BRCA1: variants seen among roughly 807,000 people sequenced by gnomAD.
The protein encoded by BRCA1 is BRCA1 DNA repair associated.
Under a neutral mutation model 173.7 loss-of-function variants are expected in BRCA1, and 140 were observed. That is an observed-to-expected ratio of 0.81 (90% CI 0.70 to 0.93). BRCA1 has a LOEUF of 0.93. Ranked by LOEUF, BRCA1 falls within the 40% of genes least tolerant of loss-of-function variation. The pLI is 0.00. For missense variants in BRCA1, 1,983 were observed against 2,172.5 expected (o/e 0.91, Z 1.73); for synonymous variants, 662 against 756.0 (o/e 0.88, Z 2.04).
At chr17:43,077,212 C>CA (rs1244224611) in intron 12 of BRCA1, among the ~76,000 whole-genome samples, 1 of 151,948 alleles carries the variant, frequency 6.6e-6, no homozygotes, top group Non-Finnish European at 1.5e-5. Context: ...AACACATACA[C>CA]AAAAAAATCC....
At chr17:43,079,273 G>A (rs2154104144) in intron 12 of BRCA1, 1 of 1,336,660 alleles carries the variant, frequency 7.5e-7, no homozygotes, top group Non-Finnish European at 1.1e-6. Context: ...CTTTTGGCCA[G>A]AACCACCATC....
intron 2 of BRCA1, among the ~76,000 whole-genome samples, chr17:43,120,920 C>T (rs1263278179): frequency 2.6e-5 from 4 of 151,656 alleles, no homozygotes; most frequent in Non-Finnish European, 5.9e-5. Flanking sequence ...CAAAATTAGC[C>T]GGCCACGGTG....
upstream of BRCA1, among the ~76,000 whole-genome samples, chr17:43,128,514 A>G (rs902654155): frequency 6.6e-6 from 1 of 152,206 alleles, no homozygotes; most frequent in Non-Finnish European, 1.5e-5. Context: ...AATTTCGGAC[A>G]CAAGAACATC....
At chr17:43,075,221 A>G (rs964603271) in intron 13 of BRCA1, among the ~76,000 whole-genome samples, 4 of 152,158 alleles carry the variant, frequency 2.6e-5, no homozygotes, top group African/African-American at 9.7e-5. Flanking sequence ...TTATGAAGAT[A>G]GAAAGTTGAT....
chr17:43,079,649 GA>G lies in BRCA1; in HGVS notation c.4357+2754del, dbSNP rs1277098399. 4.6e-6 allele frequency: 4 copies of G among 866,452 alleles called. No individual in the cohort carries two copies. In the Admixed American group the frequency reaches 5.1e-5, roughly 11 times the overall value. 53.7% of individuals were successfully genotyped at this position (866,452 alleles called of 1,614,324 possible). A position where few individuals can be genotyped will look rare whatever the true frequency, so the allele number is the denominator to read the frequency against. On this transcript the variant is annotated intron_variant, in intron 12 of 22. Coordinates refer to ENST00000357654, the MANE Select transcript of BRCA1 (RefSeq NM_007294.4). ...GAAGGAAAATGATCAGAAAAAGAAA[GA>G]AGCCAAAGAGAAAGGTACGTGGGTT...
intron 13 of BRCA1, among the ~76,000 whole-genome samples, chr17:43,074,869 C>T (rs895735903): frequency 4.0e-5 from 6 of 150,912 alleles, no homozygotes; most frequent in Non-Finnish European, 5.9e-5. Context: ...TGCAGTGAGC[C>T]GAGATCACGC....
chr17:43,081,755 T>C (rs989337327), intron 12 of BRCA1, among the ~76,000 whole-genome samples: 3 of 152,228 alleles, frequency 2.0e-5, no homozygotes, highest in Non-Finnish European at 2.9e-5. Context: ...TCACTTCTTA[T>C]AGGAAGTCAG....
chr17:43,060,425 G>A (rs897638292), intron 18 of BRCA1, among the ~76,000 whole-genome samples: 2 of 147,654 alleles, frequency 1.4e-5, no homozygotes, highest in African/African-American at 5.0e-5. Context: ...TGACCTCAGG[G>A]GATCTGCCTG....
intron 11 of BRCA1, among the ~76,000 whole-genome samples, chr17:43,090,158 A>C (rs2053392151): frequency 6.6e-6 from 1 of 152,080 alleles, no homozygotes; most frequent in Non-Finnish European, 1.5e-5. Flanking sequence ...AAGAATAAAC[A>C]CCAAAATTGC....
chr17:43,044,436 C>T lies in BRCA1; in HGVS notation c.*1242G>A, dbSNP rs1183053665. 1 of 508,294 alleles carries T rather than the reference C, an allele frequency of 2.0e-6. No individual in the cohort carries two copies. Among genetic ancestry groups the T allele is most frequent in the Admixed American group, 2.3e-5 (1 of 44,114 alleles). 31.5% of individuals were successfully genotyped at this position (508,294 alleles called of 1,614,324 possible). A position where few individuals can be genotyped will look rare whatever the true frequency, so the allele number is the denominator to read the frequency against. On this transcript the variant is annotated 3_prime_UTR_variant, in exon 23 of 23. Coordinates refer to ENST00000357654, the MANE Select transcript of BRCA1 (RefSeq NM_007294.4). ...AGTCCTTCCAACAGCTATAAACAGT[C>T]CTGGATAATGGGTTTATGAAAAACA...
intron 6 of BRCA1, among the ~76,000 whole-genome samples, chr17:43,101,977 A>G (rs2054496171): frequency 6.6e-6 from 1 of 151,900 alleles, no homozygotes; most frequent in Non-Finnish European, 1.5e-5. Flanking sequence ...TCATAGCTCA[A>G]CTGCAGCCTT....
intron 6 of BRCA1, among the ~76,000 whole-genome samples, chr17:43,100,584 AC>A (rs2054355866): frequency 2.8e-5 from 3 of 106,608 alleles, no homozygotes; most frequent in African/African-American, 4.2e-5. Flanking sequence ...CATATATATA[AC>A]ATATATATAT....
At chr17:43,169,724 T>G (rs2056308037) in intron 1 of BRCA1, among the ~76,000 whole-genome samples, 1 of 151,678 alleles carries the variant, frequency 6.6e-6, no homozygotes, top group Non-Finnish European at 1.5e-5. Flanking sequence ...GAGCATCCCT[T>G]GGGCCCCTGT....
intron 1 of BRCA1, chr17:43,161,595 A>G (rs35521261): frequency 0.32 from 48,192 of 152,050 alleles, 7,966 homozygotes; most frequent in South Asian, 0.49. Context: ...AACGGTCTGC[A>G]ACTTTGGAAA....
In BRCA1 at chr17:43,094,454, T is replaced by C. The variant is rs1360964488; in HGVS notation, c.1077A>G (p.Pro359=). The C allele has an allele frequency of 6.2e-7, 1 of 1,614,114 alleles. No homozygotes were observed. Among genetic ancestry groups the C allele is most frequent in the South Asian group, 1.1e-5 (1 of 91,084 alleles). ...ERKEWNKQKL[P]CSENPRDTED... ...CAGTATCTCTAGGATTCTCTGAGCA[T>C]GGCAGTTTCTGCTTATTCCATTCTT... The change falls in exon 10 of 23, where the codon CCA becomes CCG. Residue 359 remains proline, a synonymous_variant. Coordinates refer to ENST00000357654, the MANE Select transcript of BRCA1 (RefSeq NM_007294.4).
chr17:43,119,576 T>A (rs2055455213), intron 2 of BRCA1, among the ~76,000 whole-genome samples: 1 of 152,184 alleles, frequency 6.6e-6, no homozygotes, highest in East Asian at 1.9e-4. Flanking sequence ...CTTCACAACC[T>A]GAGATGACTT....
At chr17:43,110,542 C>T (rs1416407027) in intron 3 of BRCA1, 2 of 441,440 alleles carry the variant, frequency 4.5e-6, no homozygotes, top group African/African-American at 4.1e-5. Context: ...GCCTCATGAT[C>T]GCACCACTGT....
chr17:43,104,087 A>T (rs757003198), intron 6 of BRCA1, 35 bp downstream of exon 6: 1 of 1,482,530 alleles, frequency 6.7e-7, no homozygotes, highest in Non-Finnish European at 9.0e-7. Flanking sequence ...AAAAGAAAAG[A>T]AGAAGAAGAA....
intron 3 of BRCA1, among the ~76,000 whole-genome samples, chr17:43,111,518 T>TCAAAA (rs2154560940): frequency 6.6e-6 from 1 of 150,888 alleles, no homozygotes; most frequent in African/African-American, 2.4e-5. Context: ...AGACTCCGTC[T>TCAAAA]CAAAACAAAA....
Sources: gnomAD v4.1 joint callset for allele counts (sites outside exome capture counted in the v4.1 genomes callset) on GRCh38, gnomAD v4.1.1 for gene constraint, MANE v1.5 for transcripts, NCBI Gene and HGNC (gene_info 2026-07-23, HGNC 2026-07-21) for gene names.